CAPRIN2: variants seen among roughly 807,000 people sequenced by gnomAD.
CAPRIN2 encodes caprin family member 2.
In CAPRIN2, 66 loss-of-function variants were observed where a neutral mutation model predicts 130.4. The ratio of observed to expected loss-of-function variants is 0.51; its 90% CI spans 0.42 to 0.62. The LOEUF (loss-of-function observed/expected upper bound fraction) is 0.62. Among genes scored for constraint, CAPRIN2 ranks in the 20% least tolerant of loss-of-function variants. The pLI is 0.00. For missense variants in CAPRIN2, 1,185 were observed against 1,246.6 expected (o/e 0.95, Z 0.74); for synonymous variants, 471 against 444.1 (o/e 1.06, Z -0.76).
intron 2 of CAPRIN2, 76 bp from the exon 4 acceptor site, chr12:30,741,182 A>G: frequency 1.2e-6 from 1 of 819,558 alleles, no homozygotes; most frequent in South Asian, 1.9e-5. Context: ...TTTCTTAAAT[A>G]CAGTAGAAGA....
intron 3 of CAPRIN2, among the ~76,000 whole-genome samples, chr12:30,740,285 A>AT (rs35328379): frequency 0.19 from 28,604 of 151,778 alleles, 3,210 homozygotes; most frequent in East Asian, 0.3. Flanking sequence ...ATAATAAAAA[A>AT]ATATAAATTT....
intron 7 of CAPRIN2, 98 bp from the exon 9 acceptor site, chr12:30,729,423 T>C: frequency 1.3e-6 from 1 of 771,600 alleles, no homozygotes; most frequent in Middle Eastern, 3.7e-4. Context: ...CTGATCTAAG[T>C]TGTTGCACTA....
intron 4 of CAPRIN2, among the ~76,000 whole-genome samples, chr12:30,734,492 T>C (rs2063784698): frequency 6.6e-6 from 1 of 152,216 alleles, no homozygotes. Flanking sequence ...TTATCACTAG[T>C]TATTCACAGC....
At chr12:30,712,383 A>C (rs913564721) in intron 15 of CAPRIN2, among the ~76,000 whole-genome samples, 8 of 152,208 alleles carry the variant, frequency 5.3e-5, no homozygotes, top group African/African-American at 1.9e-4. Flanking sequence ...AATGTAAAAG[A>C]GCACACAAAA....
At chr12:30,747,180 T>G (rs992611763) in intron 2 of CAPRIN2, among the ~76,000 whole-genome samples, 2 of 152,186 alleles carry the variant, frequency 1.3e-5, no homozygotes, top group African/African-American at 4.8e-5. Context: ...CACTGTTTAC[T>G]GAATATTTTA....
At chr12:30,749,151 G>A (rs1158710868) in intron 2 of CAPRIN2, among the ~76,000 whole-genome samples, 5 of 152,134 alleles carry the variant, frequency 3.3e-5, no homozygotes, top group African/African-American at 4.8e-5. Flanking sequence ...GGAATATCAC[G>A]TGCAAAAAAC....
At chr12:30,726,919 T>A (rs1255734384) in intron 8 of CAPRIN2, among the ~76,000 whole-genome samples, 1 of 152,148 alleles carries the variant, frequency 6.6e-6, no homozygotes, top group Non-Finnish European at 1.5e-5. Context: ...CAGCTCAGAT[T>A]CCAAGAAAGA....
exon 8 of CAPRIN2, chr12:30,728,804 T>G (rs1368578707): frequency 2.5e-6 from 4 of 1,614,194 alleles, no homozygotes; most frequent in Non-Finnish European, 3.4e-6. Context: ...TTGGAGTCTC[T>G]GGCTGTTTTG....
chr12:30,719,435 GAA>G, intron 12 of CAPRIN2: 1 of 549,032 alleles, frequency 1.8e-6, no homozygotes. Flanking sequence ...CTGACTAAGT[GAA>G]AGAGTCTTAC....
intron 10 of CAPRIN2, among the ~76,000 whole-genome samples, 172 bp from the exon 12 acceptor site, chr12:30,723,486 G>A (rs1162278492): frequency 6.6e-6 from 1 of 152,192 alleles, no homozygotes; most frequent in Non-Finnish European, 1.5e-5. Flanking sequence ...AACTGTAGAA[G>A]AATAGAAAAT....
At chr12:30,709,859 T>C in exon 17 of CAPRIN2, 4 of 1,547,128 alleles carry the variant, frequency 2.6e-6, no homozygotes, top group East Asian at 2.3e-5. Context: ...TCAATCCCAC[T>C]AATTAGAACA....
chr12:30,749,109 A>C lies in CAPRIN2; in HGVS notation c.483+1962T>G, dbSNP rs567895233. ...AAGGAGGTTGGGAATTGAGCCACTG[A>C]AACATCTGGAGAAAGAACATCCCAA... On this transcript the variant is annotated intron_variant, in intron 2 of 16. Transcript: ENST00000298892. 2.6e-5 allele frequency among the ~76,000 whole-genome samples: 4 copies of C among 152,284 alleles called. No individual in the cohort carries two copies. In the South Asian group the frequency reaches 8.3e-4, roughly 32 times the overall value.
intron 2 of CAPRIN2, among the ~76,000 whole-genome samples, chr12:30,746,390 C>T (rs891585042): frequency 6.6e-6 from 1 of 152,178 alleles, no homozygotes; most frequent in African/African-American, 2.4e-5. Context: ...GACCCTGTCT[C>T]TTAAAAACAA....
intron 13 of CAPRIN2, chr12:30,715,660 G>T: frequency 4.1e-6 from 1 of 244,686 alleles, no homozygotes; most frequent in Non-Finnish European, 8.2e-6. Context: ...TGATTAAAAT[G>T]GTAATTTTTA....
At chr12:30,753,653 G>A (rs1565734853) in exon 1 of CAPRIN2, 6 of 1,614,174 alleles carry the variant, frequency 3.7e-6, no homozygotes, top group Non-Finnish European at 3.4e-6. Context: ...TAGGACTAGA[G>A]GGACACAGCC....
At chr12:30,717,506 T>C (rs1482591807) in intron 12 of CAPRIN2, among the ~76,000 whole-genome samples, 4 of 152,126 alleles carry the variant, frequency 2.6e-5, no homozygotes, top group East Asian at 3.9e-4. Context: ...GTGATGATGA[T>C]TGCACATTAT....
At chr12:30,746,443 G>A (rs575844873) in intron 2 of CAPRIN2, among the ~76,000 whole-genome samples, 10 of 152,244 alleles carry the variant, frequency 6.6e-5, no homozygotes, top group South Asian at 2.1e-4. Context: ...CACCAAGAGC[G>A]AACCCTAATG....
At chr12:30,712,737 T>TTTA (rs1555128777) in intron 15 of CAPRIN2, among the ~76,000 whole-genome samples, 2 of 61,256 alleles carry the variant, frequency 3.3e-5, no homozygotes, top group African/African-American at 1.4e-4. Context: ...TCCACTCTTT[T>TTTA]TTTTTTTTTT....
At chr12:30,734,858 ACACACACACACAC>A (rs1329559739) in intron 4 of CAPRIN2, 97 bp downstream of exon 5, 1 of 526,884 alleles carries the variant, frequency 1.9e-6, no homozygotes, top group Non-Finnish European at 3.3e-6. Flanking sequence ...TAACACACAC[ACACACACACACAC>A]ACACACACAC....
Sources: gnomAD v4.1 joint callset for allele counts (sites outside exome capture counted in the v4.1 genomes callset) on GRCh38, gnomAD v4.1.1 for gene constraint, MANE v1.5 for transcripts, NCBI Gene and HGNC (gene_info 2026-07-23, HGNC 2026-07-21) for gene names.